The following IMMP2L variants were observed in gnomAD, a reference collection of about 807,000 sequenced individuals.
IMMP2L encodes the protein inner mitochondrial membrane peptidase subunit 2.
In IMMP2L, 18 loss-of-function variants were observed where a neutral mutation model predicts 19.3. The observed-to-expected ratio is 0.93, with a 90% CI of 0.64 to 1.38. IMMP2L has a LOEUF of 1.38. Ranked by LOEUF, IMMP2L falls within the 40% of genes most tolerant of loss-of-function variation. The pLI, the probability that IMMP2L is intolerant of heterozygous loss-of-function variation, is 0.00. For synonymous variants in IMMP2L, 76 were observed against 73.0 expected (o/e 1.04, Z -0.21); for missense variants, 233 against 218.2 (o/e 1.07, Z -0.43).
At chr7:111,558,517 T>A (rs1033015742) in intron 1 of IMMP2L, among the ~76,000 whole-genome samples, 1 of 152,242 alleles carries the variant, frequency 6.6e-6, no homozygotes, top group Admixed American at 6.5e-5. Flanking sequence ...CATTTATAGA[T>A]GAGGAATTTG....
At chr7:111,016,945 T>C (rs1428761210) in intron 3 of IMMP2L, among the ~76,000 whole-genome samples, 1 of 112,048 alleles carries the variant, frequency 8.9e-6, no homozygotes, top group Non-Finnish European at 1.7e-5. Flanking sequence ...ATATATTACA[T>C]ATATGATATA....
chr7:111,250,263 A>T (rs37730), intron 3 of IMMP2L, among the ~76,000 whole-genome samples: 15,765 of 152,202 alleles, frequency 0.1, 1,053 homozygotes, highest in African/African-American at 0.18. Flanking sequence ...AAGGACACAA[A>T]TAAATGGAAA....
chr7:110,814,009 C>T (rs1049136873), intron 5 of IMMP2L, among the ~76,000 whole-genome samples: 6 of 151,882 alleles, frequency 4.0e-5, no homozygotes, highest in African/African-American at 1.4e-4. Flanking sequence ...TTTTTTAACG[C>T]TTATGAGTAT....
At chr7:111,117,623 C>A (rs980446064) in intron 3 of IMMP2L, among the ~76,000 whole-genome samples, 16 of 151,998 alleles carry the variant, frequency 1.1e-4, no homozygotes, top group Non-Finnish European at 1.5e-5. Context: ...TACAAGGATG[C>A]ATTTAGTATA....
intron 3 of IMMP2L, among the ~76,000 whole-genome samples, chr7:111,078,119 G>T (rs567129651): frequency 6.6e-6 from 1 of 151,930 alleles, no homozygotes; most frequent in Admixed American, 6.6e-5. Context: ...CCTATTTATC[G>T]TCTACCTCTT....
intron 3 of IMMP2L, among the ~76,000 whole-genome samples, chr7:111,079,187 G>A (rs1179629215): frequency 2.0e-5 from 3 of 147,752 alleles, no homozygotes; most frequent in East Asian, 2.0e-4. Flanking sequence ...GCGGGATCTC[G>A]GCTCACTGCA....
intron 5 of IMMP2L, among the ~76,000 whole-genome samples, chr7:110,739,027 T>G (rs532656032): frequency 6.6e-6 from 1 of 152,320 alleles, no homozygotes; most frequent in East Asian, 1.9e-4. Context: ...AATTCGCCAC[T>G]ACCAAGCCAG....
chr7:111,190,852 C>T (rs1015183193), intron 3 of IMMP2L, among the ~76,000 whole-genome samples: 9 of 152,074 alleles, frequency 5.9e-5, no homozygotes, highest in Non-Finnish European at 1.0e-4. Flanking sequence ...CTTAACTAGG[C>T]AATTTGAATA....
intron 3 of IMMP2L, among the ~76,000 whole-genome samples, chr7:111,252,281 G>A (rs1333061502): frequency 2.0e-5 from 3 of 152,114 alleles, no homozygotes; most frequent in African/African-American, 7.2e-5. Flanking sequence ...AACTCAAAGT[G>A]TATGTACGTA....
intron 5 of IMMP2L, among the ~76,000 whole-genome samples, chr7:110,696,444 T>TTTC (rs3051042): frequency 6.7e-6 from 1 of 149,644 alleles, no homozygotes; most frequent in South Asian, 2.1e-4. Context: ...TTTTTTTTTT[T>TTTC]GAGACAGAGT....
intron 5 of IMMP2L, among the ~76,000 whole-genome samples, chr7:110,872,550 C>A (rs556752419): frequency 6.6e-6 from 1 of 152,268 alleles, no homozygotes; most frequent in African/African-American, 2.4e-5. Context: ...CATGGAGCTG[C>A]CATAATTTTT....
intron 3 of IMMP2L, among the ~76,000 whole-genome samples, chr7:111,111,408 C>T (rs920820700): frequency 6.6e-6 from 1 of 151,114 alleles, no homozygotes; most frequent in South Asian, 2.1e-4. Context: ...TCCATCCCCC[C>T]CCAAAAAAAA....
chr7:110,846,350 T>C (rs1416699920), intron 5 of IMMP2L, among the ~76,000 whole-genome samples: 4 of 115,794 alleles, frequency 3.5e-5, no homozygotes, highest in East Asian at 2.3e-4. Flanking sequence ...CCTGATTTCT[T>C]TTTTTTTTTT....
intron 5 of IMMP2L, among the ~76,000 whole-genome samples, chr7:110,700,477 C>A (rs540948789): frequency 6.6e-6 from 1 of 152,182 alleles, no homozygotes; most frequent in Admixed American, 6.5e-5. Flanking sequence ...CTGCAATCCC[C>A]GTAGTCCTCA....
chr7:111,486,335 T>C (rs1457771384), intron 3 of IMMP2L, among the ~76,000 whole-genome samples: 1 of 152,188 alleles, frequency 6.6e-6, no homozygotes, highest in East Asian at 1.9e-4. Flanking sequence ...GATGTCTTGC[T>C]TTTACCAATT....
At chr7:111,551,791 T>C (rs1347183997) in intron 1 of IMMP2L, among the ~76,000 whole-genome samples, 2 of 151,984 alleles carry the variant, frequency 1.3e-5, no homozygotes, top group African/African-American at 4.8e-5. Flanking sequence ...TAAACACTGA[T>C]TAAGCACCAG....
intron 3 of IMMP2L, among the ~76,000 whole-genome samples, chr7:111,341,889 A>G (rs1248728909): frequency 3.3e-5 from 5 of 152,070 alleles, no homozygotes; most frequent in Non-Finnish European, 7.4e-5. Context: ...TTGATCTCTC[A>G]CCCTCTTTTG....
intron 3 of IMMP2L, among the ~76,000 whole-genome samples, chr7:111,305,085 G>A (rs1266207098): frequency 6.6e-6 from 1 of 151,956 alleles, no homozygotes; most frequent in Non-Finnish European, 1.5e-5. Flanking sequence ...TTGTTTTTTT[G>A]ATGAGGTAGG....
At chr7:111,425,181 C>T (rs931366054) in intron 3 of IMMP2L, among the ~76,000 whole-genome samples, 1 of 151,646 alleles carries the variant, frequency 6.6e-6, no homozygotes, top group Non-Finnish European at 1.5e-5. Context: ...TCCTTAAACA[C>T]AACATGTTTT....
Sources: allele counts gnomAD v4.1 joint callset (sites outside exome capture counted in the v4.1 genomes callset), GRCh38; gene constraint gnomAD v4.1.1; transcripts MANE v1.5; gene names NCBI Gene and HGNC (gene_info 2026-07-23, HGNC 2026-07-21).